PDIA3: variants seen among roughly 807,000 people sequenced by gnomAD.
The protein encoded by PDIA3 is protein disulfide isomerase family A member 3, also known as protein disulfide-isomerase A3.
A neutral mutation model predicts 56.9 loss-of-function variants in PDIA3; 16 were observed. The observed-to-expected ratio is 0.28, with a 90% CI of 0.19 to 0.43. The LOEUF (loss-of-function observed/expected upper bound fraction) is 0.43. Among genes scored for constraint, PDIA3 ranks in the 20% least tolerant of loss-of-function variants. PDIA3 has a pLI of 1.00. For missense variants in PDIA3, 485 were observed against 621.3 expected (o/e 0.78, Z 2.33); for synonymous variants, 192 against 216.5 (o/e 0.89, Z 0.99).
Position 43,773,007 on chromosome 15 carries a change from C to A in PDIA3, c.*1789C>A, listed in dbSNP as rs1230653502. 1 of 1,043,904 alleles carries A rather than the reference C, an allele frequency of 9.6e-7. No homozygotes were observed. Among genetic ancestry groups the A allele is most frequent in the Non-Finnish European group, 1.4e-6 (1 of 709,630 alleles). 64.7% of individuals were successfully genotyped at this position (1,043,904 alleles called of 1,614,324 possible). On this transcript the variant is annotated 3_prime_UTR_variant, in exon 13 of 13. Transcript: ENST00000300289. Reference sequence around the variant, plus strand: ...GCAGCTCTCTACTTGCCACCATGGACTCCAGTGGTCAGCATAAGAAAAGCA... The same window carrying A: ...GCAGCTCTCTACTTGCCACCATGGAATCCAGTGGTCAGCATAAGAAAAGCA...
intron 5 of PDIA3, 97 bp downstream of exon 5, chr15:43,763,303 AGTGCAGTG>A (rs2086828587): frequency 7.3e-7 from 1 of 1,372,986 alleles, no homozygotes; most frequent in Non-Finnish European, 1.0e-6. Context: ...CCCAGGCTGG[AGTGCAGTG>A]GTGCAATCTC....
chr15:43,767,023 A>G, intron 8 of PDIA3, 113 bp downstream of exon 8: 1 of 962,808 alleles, frequency 1.0e-6, no homozygotes, highest in South Asian at 1.4e-5. Context: ...CTTTTAATCA[A>G]GACCTATGAC....
Position 43,768,609 on chromosome 15 carries a change from A to G in PDIA3, c.1137+12A>G. On this transcript the variant is annotated intron_variant, in intron 9 of 12. Transcript: ENST00000300289. ...ATGGGCCTGTGAAGGTGAGGTGCTC[A>G]CAGCCTCATCAAGCTATGAGCAATT... 6.5e-7 allele frequency: 1 copy of G among 1,535,872 alleles called. No homozygotes were observed. Among genetic ancestry groups the G allele is most frequent in the African/African-American group, 1.4e-5 (1 of 73,442 alleles).
chr15:43,759,020 G>C (rs766813461), intron 3 of PDIA3, among the ~76,000 whole-genome samples: 1 of 152,052 alleles, frequency 6.6e-6, no homozygotes, highest in Non-Finnish European at 1.5e-5. Flanking sequence ...GCCAGGCGTG[G>C]TGGCTCACGT....
chr15:43,758,856 A>G (rs2086796511), intron 3 of PDIA3, among the ~76,000 whole-genome samples: 1 of 151,892 alleles, frequency 6.6e-6, no homozygotes, highest in African/African-American at 2.4e-5. Flanking sequence ...GCACACGTGT[A>G]GTCCTAGCTA....
At position 43,761,472 on chromosome 15, in the gene PDIA3, C is replaced by G. The variant is rs769559002; in HGVS notation, c.413C>G (p.Pro138Arg). ...LKKQAGPASVPLRTEEEFKKF... is the reference protein window; with the variant it reads ...LKKQAGPASVRLRTEEEFKKF... ...AAGCAGGCAGGACCAGCTTCAGTGC[C>G]TCTCAGGACTGAGGAAGAATTTAAG... Residue 138 changes from proline to arginine, a missense_variant, in exon 4 of 13, where the codon CCT becomes CGT. Pro to Arg is a moderately radical substitution (Grantham distance 103). Coordinates refer to ENST00000300289, the MANE Select transcript of PDIA3 (RefSeq NM_005313.5). 6.2e-7 allele frequency: 1 copy of G among 1,605,514 alleles called. No homozygotes were observed. The highest frequency in any genetic ancestry group is 1.1e-5 in the South Asian group (1 of 90,390).
chr15:43,770,466 G>A, intron 11 of PDIA3, 57 bp from the exon 12 acceptor site: 1 of 1,413,486 alleles, frequency 7.1e-7, no homozygotes, highest in Non-Finnish European at 1.0e-6. Flanking sequence ...TGGCTTAAGA[G>A]TTCTGCAGTA....
intron 3 of PDIA3, among the ~76,000 whole-genome samples, chr15:43,758,402 T>G (rs1368666571): frequency 1.3e-5 from 2 of 152,212 alleles, no homozygotes; most frequent in Non-Finnish European, 2.9e-5. Flanking sequence ...CTCATGCCTA[T>G]AATCCCAGCA....
At chr15:43,760,636 C>T (rs974978039) in intron 3 of PDIA3, among the ~76,000 whole-genome samples, 8 of 150,456 alleles carry the variant, frequency 5.3e-5, no homozygotes, top group Non-Finnish European at 1.2e-4. Flanking sequence ...TCACACCATT[C>T]TCCTGCCTCA....
At chr15:43,751,225 T>A (rs1349559589) in intron 1 of PDIA3, among the ~76,000 whole-genome samples, 1 of 151,420 alleles carries the variant, frequency 6.6e-6, no homozygotes, top group Non-Finnish European at 1.5e-5. Flanking sequence ...TAGCTCATAT[T>A]TTTTTTTTCC....
rs754296224 is a variant in PDIA3 at position 43,771,090 on chromosome 15, T to C, written c.1405-15T>C. ...TTAAAAAGTTACACTTTTAAGCTGA[T>C]CTTTCTGTTTTCAGGGTGGCCGTGA... On this transcript the variant is annotated splice_polypyrimidine_tract_variant and intron_variant, in intron 12 of 12. Transcript: ENST00000300289. 4.8e-5 allele frequency: 75 copies of C among 1,565,322 alleles called. No homozygotes were observed. The South Asian group carries it at 8.3e-4, about 17-fold the overall frequency.
At chr15:43,750,230 G>T (rs1376499305) in intron 1 of PDIA3, among the ~76,000 whole-genome samples, 1 of 144,676 alleles carries the variant, frequency 6.9e-6, no homozygotes, top group Non-Finnish European at 1.5e-5. Context: ...TGGCCAGGCT[G>T]GTCTTGAACT....
intron 4 of PDIA3, 89 bp from the exon 5 acceptor site, chr15:43,762,988 T>A: frequency 2.3e-6 from 3 of 1,292,254 alleles, no homozygotes; most frequent in Non-Finnish European, 3.3e-6. Flanking sequence ...ATGAAATGTT[T>A]ATGGTTTATG....
chr15:43,763,401 C>T (rs528786942), intron 5 of PDIA3, among the ~76,000 whole-genome samples, 195 bp downstream of exon 5: 39 of 152,240 alleles, frequency 2.6e-4, no homozygotes, highest in African/African-American at 8.2e-4. Context: ...TACAGGCACG[C>T]GCCACCACAC....
chr15:43,767,035 G>A (rs2086851568), intron 8 of PDIA3, 125 bp downstream of exon 8: 1 of 870,230 alleles, frequency 1.1e-6, no homozygotes. Flanking sequence ...ACCTATGACT[G>A]TCATTTTTCT....
chr15:43,752,707 A>G (rs890789748), intron 1 of PDIA3: 2 of 458,616 alleles, frequency 4.4e-6, no homozygotes, highest in Non-Finnish European at 9.0e-6. Context: ...TTTCCAAGTT[A>G]TCCATCACTT....
At chr15:43,753,987 A>T (rs2086760765) in intron 2 of PDIA3, 85 bp downstream of exon 2, 3 of 877,372 alleles carry the variant, frequency 3.4e-6, no homozygotes, top group East Asian at 4.8e-5. Flanking sequence ...ATGGAAAAAA[A>T]TAACAGTAAT....
At chr15:43,761,784 G>GTA (rs2086818048) in intron 4 of PDIA3, among the ~76,000 whole-genome samples, 1 of 151,944 alleles carries the variant, frequency 6.6e-6, no homozygotes, top group Non-Finnish European at 1.5e-5. Flanking sequence ...TAGATGTAAA[G>GTA]GTTTAATTTC....
intron 6 of PDIA3, 99 bp downstream of exon 6, chr15:43,765,665 A>C: frequency 1.1e-6 from 1 of 898,914 alleles, no homozygotes; most frequent in Non-Finnish European, 1.8e-6. Flanking sequence ...TAAACAGTCT[A>C]TTTGGGGGGA....
Sources: gnomAD v4.1 joint callset for allele counts (sites outside exome capture counted in the v4.1 genomes callset) on GRCh38, gnomAD v4.1.1 for gene constraint, MANE v1.5 for transcripts, NCBI Gene and HGNC (gene_info 2026-07-23, HGNC 2026-07-21) for gene names.